STAG1: variants seen among roughly 807,000 people sequenced by gnomAD.
STAG1 encodes the protein cohesin subunit SA-1.
A neutral mutation model predicts 170.9 loss-of-function variants in STAG1; 26 were observed. The ratio of observed to expected loss-of-function variants is 0.15; its 90% CI spans 0.11 to 0.21. The LOEUF (loss-of-function observed/expected upper bound fraction) is 0.21. Among genes scored for constraint, STAG1 ranks in the 10% least tolerant of loss-of-function variants. The pLI, the probability that STAG1 is intolerant of heterozygous loss-of-function variation, is 1.00. For missense variants in STAG1, 964 were observed against 1,509.5 expected (o/e 0.64, Z 5.99); for synonymous variants, 514 against 497.7 (o/e 1.03, Z -0.44).
intron 10 of STAG1, among the ~76,000 whole-genome samples, chr3:136,476,399 A>G (rs1326525350): frequency 6.6e-6 from 1 of 152,162 alleles, no homozygotes; most frequent in Non-Finnish European, 1.5e-5. Flanking sequence ...CAATAATTGC[A>G]ATAGGCAGTA....
At chr3:136,629,817 C>T (rs1350330743) in intron 2 of STAG1, among the ~76,000 whole-genome samples, 1 of 152,140 alleles carries the variant, frequency 6.6e-6, no homozygotes, top group Non-Finnish European at 1.5e-5. Context: ...TCAAAGTATG[C>T]AGATTCCCGA....
chr3:136,740,601 C>T (rs564786903), intron 1 of STAG1, among the ~76,000 whole-genome samples: 1 of 152,180 alleles, frequency 6.6e-6, no homozygotes, highest in Non-Finnish European at 1.5e-5. Context: ...TGCCTCAGCC[C>T]CCCAAGTAGC....
intron 15 of STAG1, among the ~76,000 whole-genome samples, chr3:136,440,292 C>T (rs1417528291): frequency 6.6e-6 from 1 of 152,086 alleles, no homozygotes; most frequent in Non-Finnish European, 1.5e-5. Context: ...CGCCCGCCAC[C>T]AGGCCTGGCT....
chr3:136,631,195 TA>T (rs1940316457), intron 1 of STAG1, among the ~76,000 whole-genome samples: 1 of 152,312 alleles, frequency 6.6e-6, no homozygotes, highest in Admixed American at 6.5e-5. Flanking sequence ...AATGAATAAA[TA>T]AACTACGCAC....
intron 1 of STAG1, among the ~76,000 whole-genome samples, chr3:136,684,976 T>C (rs889776581): frequency 1.3e-5 from 2 of 151,914 alleles, no homozygotes; most frequent in African/African-American, 4.8e-5. Context: ...TTTTTAAAGG[T>C]ACAATCAATG....
At chr3:136,548,753 G>T (rs1226621301) in intron 5 of STAG1, among the ~76,000 whole-genome samples, 1 of 152,082 alleles carries the variant, frequency 6.6e-6, no homozygotes, top group African/African-American at 2.4e-5. Flanking sequence ...GTTTGGGTCT[G>T]TGTCCCCACT....
At chr3:136,528,546 A>G (rs1271154580) in intron 6 of STAG1, among the ~76,000 whole-genome samples, 1 of 126,438 alleles carries the variant, frequency 7.9e-6, no homozygotes, top group African/African-American at 3.0e-5. Flanking sequence ...CAAATTATTT[A>G]TTCTAAAGAA....
intron 9 of STAG1, among the ~76,000 whole-genome samples, chr3:136,497,813 C>T (rs1933204589): frequency 6.6e-6 from 1 of 150,454 alleles, no homozygotes; most frequent in Non-Finnish European, 1.5e-5. Flanking sequence ...CGAGATCGCG[C>T]CACTGCACTC....
At chr3:136,725,239 C>T (rs1337150251) in intron 1 of STAG1, among the ~76,000 whole-genome samples, 1 of 151,974 alleles carries the variant, frequency 6.6e-6, no homozygotes, top group African/African-American at 2.4e-5. Context: ...TCAATATTAC[C>T]ACTCTTCAGT....
chr3:136,473,458 G>A, intron 11 of STAG1, 81 bp downstream of exon 11: 1 of 1,042,342 alleles, frequency 9.6e-7, no homozygotes, highest in South Asian at 1.4e-5. Flanking sequence ...ACACTTGTAT[G>A]ATAATGTAAT....
At chr3:136,498,141 G>GAC (rs1933222367) in intron 9 of STAG1, among the ~76,000 whole-genome samples, 1 of 143,720 alleles carries the variant, frequency 7.0e-6, no homozygotes, top group South Asian at 2.2e-4. Flanking sequence ...GCAGTGAGCC[G>GAC]ACATTGTGCC....
intron 16 of STAG1, among the ~76,000 whole-genome samples, chr3:136,429,092 G>A (rs2088217006): frequency 6.6e-6 from 1 of 151,932 alleles, no homozygotes; most frequent in Admixed American, 6.6e-5. Context: ...AGCCCAGATA[G>A]CATCATTGCA....
chr3:136,533,616 C>A (rs796817792), intron 6 of STAG1, among the ~76,000 whole-genome samples: 4 of 152,252 alleles, frequency 2.6e-5, no homozygotes, highest in African/African-American at 9.6e-5. Flanking sequence ...TAAAAAATAA[C>A]CAGATATCTT....
At chr3:136,569,877 T>C (rs1354256277) in intron 4 of STAG1, among the ~76,000 whole-genome samples, 3 of 152,112 alleles carry the variant, frequency 2.0e-5, no homozygotes, top group Non-Finnish European at 4.4e-5. Context: ...TATCATATTC[T>C]GAATTTAAAA....
At chr3:136,680,201 C>T (rs777495034) in intron 1 of STAG1, among the ~76,000 whole-genome samples, 18 of 152,172 alleles carry the variant, frequency 1.2e-4, no homozygotes, top group Non-Finnish European at 2.9e-5. Flanking sequence ...GCAGAGGTTG[C>T]AGTGAGCCAA....
At chr3:136,619,936 G>A (rs1230486586) in intron 3 of STAG1, among the ~76,000 whole-genome samples, 2 of 151,708 alleles carry the variant, frequency 1.3e-5, no homozygotes, top group Non-Finnish European at 2.9e-5. Context: ...GGTGGCGTGC[G>A]TCTGTAGTCC....
chr3:136,713,126 T>C (rs1441511593), intron 1 of STAG1, among the ~76,000 whole-genome samples: 1 of 152,122 alleles, frequency 6.6e-6, no homozygotes, highest in Non-Finnish European at 1.5e-5. Context: ...TCAGCAGTAA[T>C]ACTTACAATG....
chr3:136,657,512 T>G (rs1398846754), intron 1 of STAG1, among the ~76,000 whole-genome samples: 2 of 151,998 alleles, frequency 1.3e-5, no homozygotes, highest in Non-Finnish European at 2.9e-5. Flanking sequence ...TCATATATAC[T>G]CACATGCACA....
At chr3:136,551,620 AT>A (rs111609376) in intron 5 of STAG1, among the ~76,000 whole-genome samples, 10 of 145,000 alleles carry the variant, frequency 6.9e-5, no homozygotes, top group South Asian at 2.2e-4. Flanking sequence ...TATTCTCAGT[AT>A]TTTTTTTTTG....
Sources: allele counts gnomAD v4.1 joint callset (sites outside exome capture counted in the v4.1 genomes callset), GRCh38; gene constraint gnomAD v4.1.1; transcripts MANE v1.5; gene names NCBI Gene and HGNC (gene_info 2026-07-23, HGNC 2026-07-21).